The following DSC3 variants were observed in gnomAD, a reference collection of about 807,000 sequenced individuals.
The protein encoded by DSC3 is desmocollin 3.
In DSC3, 97 loss-of-function variants were observed where a neutral mutation model predicts 89.5. The ratio of observed to expected loss-of-function variants is 1.08; its 90% CI spans 0.92 to 1.28. The LOEUF (loss-of-function observed/expected upper bound fraction) is 1.28, where lower values mean the gene tolerates loss of function less well. Among genes scored for constraint, DSC3 ranks in the 50% most tolerant of loss-of-function variants. The probability of loss-of-function intolerance (pLI) is 0.00; values close to 1 mark genes in which losing one functional copy is unlikely to be tolerated. For missense variants in DSC3, 1,199 were observed against 1,085.3 expected (o/e 1.10, Z -1.47); for synonymous variants, 436 against 384.1 (o/e 1.14, Z -1.58).
intron 12 of DSC3, 29 bp downstream of exon 12, chr18:31,006,877 GT>G (rs761473972): frequency 3.3e-6 from 5 of 1,515,226 alleles, no homozygotes; most frequent in East Asian, 4.8e-5. Flanking sequence ...TTATTTCAGA[GT>G]TTATAAATCA....
Position 31,006,913 on chromosome 18 carries a change from CT to C in DSC3, c.1881del (p.Val628LeufsTer25). 1 of 1,608,930 alleles carries C rather than the reference CT, an allele frequency of 6.2e-7. No homozygotes were observed. Among genetic ancestry groups the C allele is most frequent in the Admixed American group, 1.7e-5 (1 of 59,942 alleles). On this transcript the variant is annotated frameshift_variant, in exon 12 of 16. Transcript: ENST00000360428. LOFTEE classifies it high-confidence loss of function. Reference sequence around the variant, plus strand: ...ATTATTTTTTATTAAATACCATTAACTTTGGTGAGGCTCCACAGTCTACTGA... The same window carrying C: ...ATTATTTTTTATTAAATACCATTAACTTGGTGAGGCTCCACAGTCTACTGA... ...PEISRLWSLT[K>X]VNDTAARLSY... is the part of the protein sequence containing the mutation.
In DSC3 at chr18:30,993,260, C is replaced by T. The variant is rs1198386151; in HGVS notation, c.*915G>A. On this transcript the variant is annotated 3_prime_UTR_variant, in exon 16 of 16. Transcript: ENST00000360428. Reference sequence around the variant, plus strand: ...AAAAAGCAGGGAACCCCAGCTGCAGCGAGTATTCCCCAGTTTGCTACTAAC... The same window carrying T: ...AAAAAGCAGGGAACCCCAGCTGCAGTGAGTATTCCCCAGTTTGCTACTAAC... 6.6e-6 allele frequency: 1 copy of T among 152,182 alleles called. No individual in the cohort carries two copies. Among genetic ancestry groups the T allele is most frequent in the African/African-American group, 2.4e-5 (1 of 41,432 alleles). 9.4% of individuals were successfully genotyped at this position (152,182 alleles called of 1,614,324 possible).
intron 1 of DSC3, among the ~76,000 whole-genome samples, chr18:31,039,006 TA>T (rs901374637): frequency 6.6e-6 from 1 of 152,048 alleles, no homozygotes; most frequent in South Asian, 2.1e-4. Context: ...CAAAATAAAG[TA>T]AAAAATGTAA....
In DSC3 at chr18:30,993,903, T is replaced by A. The variant is rs1193934394; in HGVS notation, c.*272A>T. 3 of 330,670 alleles carry A rather than the reference T, an allele frequency of 9.1e-6. No individual in the cohort carries two copies. Among genetic ancestry groups the A allele is most frequent in the Non-Finnish European group, 1.7e-5 (3 of 176,518 alleles). 20.5% of individuals were successfully genotyped at this position (330,670 alleles called of 1,614,324 possible). On this transcript the variant is annotated 3_prime_UTR_variant, in exon 16 of 16. Transcript: ENST00000360428. ...AATATTTATCCAGCATATTTATTACTAAAATATCCGTAAAAAAAAAAAAGA... is the reference window on the plus strand; with the variant it reads ...AATATTTATCCAGCATATTTATTACAAAAATATCCGTAAAAAAAAAAAAGA...
At chr18:31,008,906 T>A (rs1040617887) in intron 9 of DSC3, among the ~76,000 whole-genome samples, 3 of 152,334 alleles carry the variant, frequency 2.0e-5, no homozygotes, top group African/African-American at 7.2e-5. Context: ...AAGTTGCCTT[T>A]ATTTGGCTTA....
At chr18:31,007,633 C>T (rs1984899307) in intron 11 of DSC3, among the ~76,000 whole-genome samples, 1 of 152,070 alleles carries the variant, frequency 6.6e-6, no homozygotes, top group South Asian at 2.1e-4. Flanking sequence ...CTTTAAGGAA[C>T]AGAATTCAAG....
intron 1 of DSC3, among the ~76,000 whole-genome samples, chr18:31,039,247 A>C (rs1986062235): frequency 6.6e-6 from 1 of 152,176 alleles, no homozygotes; most frequent in Non-Finnish European, 1.5e-5. Context: ...CGAATCATTA[A>C]ATCCTGATGG....
intron 15 of DSC3, 67 bp downstream of exon 15, chr18:30,996,724 T>G (rs945086155): frequency 6.3e-7 from 1 of 1,588,140 alleles, no homozygotes; most frequent in East Asian, 2.2e-5. Context: ...ATATGTTAAT[T>G]TGAATTGTCT....
intron 3 of DSC3, among the ~76,000 whole-genome samples, chr18:31,030,564 AG>A (rs1230288500): frequency 4.6e-5 from 7 of 152,218 alleles, no homozygotes; most frequent in Non-Finnish European, 7.3e-5. Flanking sequence ...TAGAATGTAG[AG>A]GTGGAAGAAG....
At chr18:31,011,102 G>A (rs1985041806) in intron 9 of DSC3, among the ~76,000 whole-genome samples, 1 of 152,174 alleles carries the variant, frequency 6.6e-6, no homozygotes, top group East Asian at 1.9e-4. Context: ...GTGCTTGACA[G>A]CGTATAGTTA....
intron 11 of DSC3, among the ~76,000 whole-genome samples, chr18:31,007,378 A>C (rs528652305): frequency 6.6e-6 from 1 of 152,332 alleles, no homozygotes; most frequent in South Asian, 2.1e-4. Flanking sequence ...ACCAAATAAA[A>C]ATAAATGTCT....
intron 7 of DSC3, among the ~76,000 whole-genome samples, chr18:31,021,751 C>T (rs1249933095): frequency 1.3e-5 from 2 of 152,148 alleles, no homozygotes; most frequent in African/African-American, 4.8e-5. Flanking sequence ...GTTTCTGTCA[C>T]ATTTCTCATT....
At chr18:31,033,544 T>C (rs905224158) in intron 1 of DSC3, among the ~76,000 whole-genome samples, 1 of 152,008 alleles carries the variant, frequency 6.6e-6, no homozygotes, top group Non-Finnish European at 1.5e-5. Context: ...GATATCTTCC[T>C]GAAAAAAAAG....
chr18:31,041,906 G>C (rs1986145098), intron 1 of DSC3, among the ~76,000 whole-genome samples: 1 of 151,882 alleles, frequency 6.6e-6, no homozygotes, highest in South Asian at 2.1e-4. Flanking sequence ...TCCACACCTC[G>C]GCAGCATCCC....
Position 31,042,588 on chromosome 18 carries a change from T to A in DSC3, c.69+4A>T, listed in dbSNP as rs1195009590. 6.5e-7 allele frequency: 1 copy of A among 1,550,368 alleles called. No individual in the cohort carries two copies. The highest frequency in any genetic ancestry group is 8.7e-7 in the Non-Finnish European group (1 of 1,146,848). ...CCAGCCCTATCCGGCGAGATCTGGC[T>A]TACCACGAGGGTCAGCAGCAGATGC... On this transcript the variant is annotated splice_donor_region_variant and intron_variant, in intron 1 of 15. Transcript: ENST00000360428.
chr18:31,006,292 G>GTATTATTATTATTAT (rs138302615), intron 12 of DSC3, among the ~76,000 whole-genome samples: 6,045 of 149,796 alleles, frequency 0.04, 252 homozygotes, highest in East Asian at 0.12. Context: ...CACCTCGCTG[G>GTATTATTATTATTAT]TATTATTATT....
intron 14 of DSC3, among the ~76,000 whole-genome samples, chr18:31,000,851 A>C (rs1435029882): frequency 2.0e-5 from 3 of 151,816 alleles, no homozygotes; most frequent in African/African-American, 7.3e-5. Flanking sequence ...TTGAACTCTG[A>C]CAGTGCTTTA....
rs1984485179 is a variant in DSC3 at position 30,996,842 on chromosome 18, G to T, written c.2442C>A (p.Cys814Ter). ...TGTGCCACTCCGAGTAAGTGTATCTGCAGTTGTCCACCTCCGTGTGTCCTC... is the reference window on the plus strand; with the variant it reads ...TGTGCCACTCCGAGTAAGTGTATCTTCAGTTGTCCACCTCCGTGTGTCCTC... ...CRGGHTEVDNCRYTYSEWHSF... is the reference protein window; with the variant it reads ...CRGGHTEVDN Residue 814 changes from cysteine to a stop codon, truncating the protein, a stop_gained, in exon 15 of 16, where the codon TGC becomes TGA. Coordinates refer to ENST00000360428, the MANE Select transcript of DSC3 (RefSeq NM_001941.5). LOFTEE classifies it high-confidence loss of function. The T allele has an allele frequency of 2.5e-6, 4 of 1,613,608 alleles. No individual in the cohort carries two copies. The East Asian group carries it at 8.9e-5, about 36-fold the overall frequency.
At chr18:31,007,955 A>G in intron 11 of DSC3, 61 bp downstream of exon 11, 1 of 1,446,442 alleles carries the variant, frequency 6.9e-7, no homozygotes, top group South Asian at 1.2e-5. Context: ...TCTGCATAAG[A>G]ATAATTACAT....
Sources: gnomAD v4.1 joint callset for allele counts (sites outside exome capture counted in the v4.1 genomes callset) on GRCh38, gnomAD v4.1.1 for gene constraint, MANE v1.5 for transcripts, NCBI Gene and HGNC (gene_info 2026-07-23, HGNC 2026-07-21) for gene names.